The following MGAM2 variants were observed in gnomAD, a reference collection of about 807,000 sequenced individuals.
The protein encoded by MGAM2 is maltase-glucoamylase 2 (putative).
In MGAM2, 98 loss-of-function variants were observed where a neutral mutation model predicts 96.1. The ratio of observed to expected loss-of-function variants is 1.02; its 90% CI spans 0.87 to 1.21. The LOEUF is 1.21. Among genes scored for constraint, MGAM2 ranks in the 50% most tolerant of loss-of-function variants. The pLI is 0.00. For synonymous variants in MGAM2, 749 were observed against 414.8 expected (o/e 1.81, Z -9.79); for missense variants, 2,055 against 1,182.4 (o/e 1.74, Z -10.82).
chr7:142,208,530 A>AGCAGTT, intron 45 of MGAM2, 43 bp from the exon 46 acceptor site: 1 of 698,784 alleles, frequency 1.4e-6, no homozygotes, highest in Non-Finnish European at 2.6e-6. Context: ...CTGCAATTGA[A>AGCAGTT]GCAGTTAGTA....
chr7:142,116,392 C>T (rs954542761), intron 1 of MGAM2, among the ~76,000 whole-genome samples: 1 of 152,158 alleles, frequency 6.6e-6, no homozygotes, highest in Non-Finnish European at 1.5e-5. Flanking sequence ...GACGTTTAAA[C>T]AGTCTCAACA....
chr7:142,209,647 T>C (rs1308035820), intron 46 of MGAM2, among the ~76,000 whole-genome samples: 3 of 152,362 alleles, frequency 2.0e-5, no homozygotes, highest in African/African-American at 7.2e-5. Flanking sequence ...ATTTCTTTTG[T>C]CTTCTTAGAA....
At chr7:142,150,434 G>T (rs1427785639) in intron 15 of MGAM2, among the ~76,000 whole-genome samples, 1 of 151,908 alleles carries the variant, frequency 6.6e-6, no homozygotes, top group Non-Finnish European at 1.5e-5. Context: ...TCTTAATTAG[G>T]TTATCATCAT....
chr7:142,158,153 G>A, intron 18 of MGAM2, 62 bp downstream of exon 18: 1 of 699,656 alleles, frequency 1.4e-6, no homozygotes, highest in South Asian at 1.5e-5. Flanking sequence ...CTTTGTTTGT[G>A]GTAGCAAGGT....
Position 142,221,289 on chromosome 7 carries a change from A to G in MGAM2, c.6778A>G (p.Thr2260Ala), listed in dbSNP as rs749617548. ...TAGTAATAGTATTTCCATAACAACT[A>G]CTTCTTTTGGTAATAGTGTTCCTTT... ...ITSNSISITT[T>A]SFGNSVPFVT... The change falls in exon 48 of 48, where the codon ACT becomes GCT. Residue 2260 changes from threonine to alanine, a missense_variant. Physicochemically the swap from Thr to Ala is moderately conservative, Grantham distance 58. Transcript: ENST00000477922. 2 of 674,550 alleles carry G rather than the reference A, an allele frequency of 3.0e-6. No homozygotes were observed. Among genetic ancestry groups the G allele is most frequent in the African/African-American group, 1.8e-5 (1 of 56,430 alleles). 41.8% of individuals were successfully genotyped at this position (674,550 alleles called of 1,614,324 possible).
chr7:142,200,206 GGAT>G (rs916811305), intron 45 of MGAM2, among the ~76,000 whole-genome samples: 1 of 152,084 alleles, frequency 6.6e-6, no homozygotes, highest in Admixed American at 6.6e-5. Flanking sequence ...ATTCAGCCAG[GGAT>G]GATCTATCTC....
chr7:142,201,560 C>T (rs1356021354), intron 45 of MGAM2, among the ~76,000 whole-genome samples: 1 of 152,162 alleles, frequency 6.6e-6, no homozygotes, highest in African/African-American at 2.4e-5. Flanking sequence ...GCCACTACCA[C>T]AATGAAGATG....
intron 10 of MGAM2, 21 bp from the exon 11 acceptor site, chr7:142,140,779 GAT>G: frequency 1.4e-6 from 1 of 698,084 alleles, no homozygotes. Flanking sequence ...CCTAGGTTCT[GAT>G]TGACCAGAGC....
intron 36 of MGAM2, among the ~76,000 whole-genome samples, chr7:142,188,492 G>A (rs924264147): frequency 2.6e-5 from 4 of 151,914 alleles, no homozygotes; most frequent in African/African-American, 7.3e-5. Flanking sequence ...ACAACAAAAG[G>A]CATTATACCA....
chr7:142,194,157 C>G (rs1256420567), intron 37 of MGAM2, among the ~76,000 whole-genome samples: 1 of 152,006 alleles, frequency 6.6e-6, no homozygotes, highest in Admixed American at 6.6e-5. Context: ...CTCAGCCTCC[C>G]TAGTAGCTGC....
chr7:142,206,672 C>G (rs1373999971), intron 45 of MGAM2, among the ~76,000 whole-genome samples: 1 of 152,044 alleles, frequency 6.6e-6, no homozygotes, highest in Admixed American at 6.6e-5. Flanking sequence ...ATATTTTAGT[C>G]TTAAGATTAA....
At chr7:142,131,373 G>T (rs2129077199) in intron 4 of MGAM2, 145 bp from the exon 5 acceptor site, 1 of 607,132 alleles carries the variant, frequency 1.6e-6, no homozygotes, top group African/African-American at 1.8e-5. Flanking sequence ...GGGAGGTGGA[G>T]GTTGCAGTGA....
chr7:142,217,438 C>T (rs1434671378), intron 46 of MGAM2, among the ~76,000 whole-genome samples: 1 of 152,124 alleles, frequency 6.6e-6, no homozygotes, highest in Admixed American at 6.5e-5. Flanking sequence ...TCTAAGATAG[C>T]AATAATGATA....
At chr7:142,179,311 G>A (rs987347990) in intron 32 of MGAM2, among the ~76,000 whole-genome samples, 3 of 152,052 alleles carry the variant, frequency 2.0e-5, no homozygotes, top group Admixed American at 6.6e-5. Flanking sequence ...GAGAGAGAGA[G>A]TTTGACTTCT....
chr7:142,147,923 A>G (rs2129082759), intron 15 of MGAM2, among the ~76,000 whole-genome samples: 1 of 152,218 alleles, frequency 6.6e-6, no homozygotes, highest in South Asian at 2.1e-4. Context: ...AGGACACCAA[A>G]TTAAATTTGT....
rs567401349 is a variant in MGAM2 at position 142,120,540 on chromosome 7, G to A, written c.186+159G>A. On this transcript the variant is annotated intron_variant, in intron 3 of 47. Transcript: ENST00000477922. ...TTATTGAAATAACAATATTAAGATC[G>A]TGAGGGAAGCAGGGTTGAAAAAAAG... 2.6e-5 allele frequency among the ~76,000 whole-genome samples: 4 copies of A among 152,070 alleles called. No individual in the cohort carries two copies. In the East Asian group the frequency reaches 7.7e-4, roughly 29 times the overall value.
chr7:142,166,669 G>A lies in MGAM2; in HGVS notation c.2808+416G>A, dbSNP rs544857620. ...ACATGGGAGGCAATAAGAACACTGG[G>A]AGTAGAACCCTGCCTGGAGGCTCCT... On this transcript the variant is annotated intron_variant, in intron 25 of 47. Coordinates refer to ENST00000477922, the MANE Select transcript of MGAM2 (RefSeq NM_001293626.2). Among the ~76,000 whole-genome samples, 11 of 152,240 alleles carry A rather than the reference G, an allele frequency of 7.2e-5. No individual in the cohort carries two copies. In the South Asian group the frequency reaches 2.3e-3, roughly 32 times the overall value.
chr7:142,143,015 A>G (rs1437812275), intron 12 of MGAM2, among the ~76,000 whole-genome samples: 1 of 152,204 alleles, frequency 6.6e-6, no homozygotes, highest in Non-Finnish European at 1.5e-5. Context: ...CAGGAGCTCA[A>G]TCCATTTACT....
At chr7:142,116,684 G>A (rs1233270304) in intron 1 of MGAM2, among the ~76,000 whole-genome samples, 190 bp from the exon 2 acceptor site, 1 of 152,174 alleles carries the variant, frequency 6.6e-6, no homozygotes, top group Non-Finnish European at 1.5e-5. Context: ...TACAGGTGTT[G>A]GATGTAAAGC....
Sources: allele counts gnomAD v4.1 joint callset (sites outside exome capture counted in the v4.1 genomes callset), GRCh38; gene constraint gnomAD v4.1.1; transcripts MANE v1.5; gene names NCBI Gene and HGNC (gene_info 2026-07-23, HGNC 2026-07-21).